The following POU6F2 variants were observed in gnomAD, a reference collection of about 807,000 sequenced individuals.
POU6F2 encodes POU class 6 homeobox 2.
A neutral mutation model predicts 71.3 loss-of-function variants in POU6F2; 31 were observed. The ratio of observed to expected loss-of-function variants is 0.43; its 90% confidence interval spans 0.33 to 0.59. The LOEUF (loss-of-function observed/expected upper bound fraction) is 0.59, where lower values mean the gene tolerates loss of function less well. Among genes scored for constraint, POU6F2 ranks in the 20% least tolerant of loss-of-function variants. The pLI is 0.04. For synonymous variants in POU6F2, 347 were observed against 355.7 expected (o/e 0.98, Z 0.27); for missense variants, 783 against 856.8 (o/e 0.91, Z 1.07).
chr7:39,236,977 A>G (rs1305935793), intron 4 of POU6F2, among the ~76,000 whole-genome samples: 2 of 152,180 alleles, frequency 1.3e-5, no homozygotes, highest in African/African-American at 4.8e-5. Context: ...TAAAGACGCT[A>G]TTTTCAATAA....
At chr7:39,127,228 G>A (rs1792157175) in intron 2 of POU6F2, among the ~76,000 whole-genome samples, 1 of 152,170 alleles carries the variant, frequency 6.6e-6, no homozygotes. Context: ...TAAGTGCTCA[G>A]TAGCCACATG....
chr7:39,179,112 A>G (rs892572785), intron 2 of POU6F2, among the ~76,000 whole-genome samples: 2 of 152,186 alleles, frequency 1.3e-5, no homozygotes, highest in Non-Finnish European at 2.9e-5. Flanking sequence ...ATTCCACCTT[A>G]TTATAGCATT....
At position 39,446,692 on chromosome 7, in the gene POU6F2, G is replaced by A. The variant is rs147529450; in HGVS notation, c.1321-4841G>A. ...GCAAGCCTGTGAGAGCCAGTAGGAC[G>A]TAGAAAGCTTCTCAGACACTGCATC... On this transcript the variant is annotated intron_variant, in intron 7 of 9. Transcript: ENST00000518318. Among the ~76,000 whole-genome samples the A allele has an allele frequency of 2.3e-3, 348 of 152,302 alleles. 4 individuals carry two copies. The highest frequency in any genetic ancestry group is 7.5e-3 in the African/African-American group (312 of 41,540).
chr7:39,456,476 A>AT (rs1788808813), intron 8 of POU6F2, among the ~76,000 whole-genome samples: 1 of 152,232 alleles, frequency 6.6e-6, no homozygotes, highest in Admixed American at 6.5e-5. Context: ...AAACTTTGGG[A>AT]TTAAAAAAAG....
At chr7:39,130,996 GA>G (rs1454968129) in intron 2 of POU6F2, among the ~76,000 whole-genome samples, 2 of 152,208 alleles carry the variant, frequency 1.3e-5, no homozygotes, top group Admixed American at 6.5e-5. Flanking sequence ...CAGAAAGCAT[GA>G]CATTCCTTGT....
intron 2 of POU6F2, among the ~76,000 whole-genome samples, chr7:39,103,630 T>A (rs2128724136): frequency 6.6e-6 from 1 of 152,318 alleles, no homozygotes; most frequent in Non-Finnish European, 1.5e-5. Context: ...GATCTTTAGC[T>A]TTTTCCTTGA....
intron 7 of POU6F2, among the ~76,000 whole-genome samples, chr7:39,445,973 C>A (rs1186224398): frequency 2.0e-5 from 3 of 152,198 alleles, no homozygotes; most frequent in African/African-American, 7.2e-5. Flanking sequence ...ATTCTTGAGC[C>A]CCAACCCAGG....
At chr7:39,427,186 T>C (rs1000363513) in intron 6 of POU6F2, among the ~76,000 whole-genome samples, 3 of 152,190 alleles carry the variant, frequency 2.0e-5, no homozygotes, top group Non-Finnish European at 4.4e-5. Context: ...AACCACAGTG[T>C]TGAGTGCTTT....
intron 5 of POU6F2, among the ~76,000 whole-genome samples, chr7:39,352,828 T>C (rs1401975980): frequency 6.6e-6 from 1 of 152,146 alleles, no homozygotes; most frequent in Non-Finnish European, 1.5e-5. Flanking sequence ...AGGTTTGGGC[T>C]TCTATTGCTT....
At chr7:39,086,748 C>T (rs1791253451) in intron 2 of POU6F2, among the ~76,000 whole-genome samples, 1 of 152,100 alleles carries the variant, frequency 6.6e-6, no homozygotes, top group Non-Finnish European at 1.5e-5. Flanking sequence ...CCAGCAAAGA[C>T]ATCTGTCATT....
intron 4 of POU6F2, among the ~76,000 whole-genome samples, chr7:39,317,157 A>G (rs1026464968): frequency 6.6e-6 from 1 of 152,192 alleles, no homozygotes; most frequent in Non-Finnish European, 1.5e-5. Context: ...GCTACAAGGA[A>G]GTAAGTGTCG....
chr7:39,187,705 G>A (rs1793572544), intron 2 of POU6F2, among the ~76,000 whole-genome samples: 1 of 152,192 alleles, frequency 6.6e-6, no homozygotes, highest in South Asian at 2.1e-4. Flanking sequence ...GAACATGAAT[G>A]GAAATGTGAA....
chr7:39,218,242 C>T (rs556440286), intron 4 of POU6F2, among the ~76,000 whole-genome samples: 3 of 152,286 alleles, frequency 2.0e-5, no homozygotes, highest in East Asian at 3.9e-4. Context: ...TTCACAATCT[C>T]ACTCCATTAC....
At chr7:39,456,494 G>A (rs770339172) in intron 8 of POU6F2, among the ~76,000 whole-genome samples, 5 of 152,150 alleles carry the variant, frequency 3.3e-5, no homozygotes, top group African/African-American at 4.8e-5. Flanking sequence ...AAGAGCATTC[G>A]TCTTTTGATG....
At chr7:39,034,440 G>A (rs979493251) in intron 1 of POU6F2, 1 of 409,258 alleles carries the variant, frequency 2.4e-6, no homozygotes, top group Non-Finnish European at 5.1e-6. Flanking sequence ...TTCTCGGCAG[G>A]AGCAGTTCTA....
At chr7:39,197,302 C>T (rs543570827) in intron 2 of POU6F2, among the ~76,000 whole-genome samples, 3 of 152,318 alleles carry the variant, frequency 2.0e-5, no homozygotes, top group African/African-American at 7.2e-5. Flanking sequence ...CTGTCCAACC[C>T]GATCCAGGTC....
intron 2 of POU6F2, among the ~76,000 whole-genome samples, chr7:39,201,179 T>C (rs1793895093): frequency 6.6e-6 from 1 of 152,236 alleles, no homozygotes; most frequent in Non-Finnish European, 1.5e-5. Flanking sequence ...AGGGGTACTG[T>C]TGTTATCCCT....
intron 4 of POU6F2, among the ~76,000 whole-genome samples, chr7:39,249,253 C>A (rs1277524051): frequency 1.3e-5 from 2 of 152,188 alleles, no homozygotes; most frequent in Non-Finnish European, 2.9e-5. Context: ...TGTTTTTCTG[C>A]TTCATCATTA....
chr7:39,229,940 C>A (rs1794544227), intron 4 of POU6F2, among the ~76,000 whole-genome samples: 1 of 152,204 alleles, frequency 6.6e-6, no homozygotes, highest in Non-Finnish European at 1.5e-5. Context: ...AAACTCATCT[C>A]ACTTACTTGC....
Sources: allele counts gnomAD v4.1 joint callset (sites outside exome capture counted in the v4.1 genomes callset), GRCh38; gene constraint gnomAD v4.1.1; transcripts MANE v1.5; gene names NCBI Gene and HGNC (gene_info 2026-07-23, HGNC 2026-07-21).